The following GATAD2A variants were observed in gnomAD, a reference collection of about 807,000 sequenced individuals.
GATAD2A encodes the protein GATA zinc finger domain containing 2A, also known as transcriptional repressor p66-alpha.
GATAD2A carries 12 observed loss-of-function variants against 68.5 expected under a neutral mutation model. The ratio of observed to expected loss-of-function variants is 0.18; its 90% CI spans 0.11 to 0.28. GATAD2A has a LOEUF of 0.28. Ranked by LOEUF, GATAD2A falls within the 10% of genes least tolerant of loss-of-function variation. The pLI is 1.00. For synonymous variants in GATAD2A, 410 were observed against 375.3 expected, an observed-to-expected ratio of 1.09 and a Z score of -1.07; for missense variants, 755 against 868.5, an observed-to-expected ratio of 0.87 and a Z score of 1.64.
intron 9 of GATAD2A, 69 bp from the exon 10 acceptor site, chr19:19,501,900 C>G: frequency 1.6e-6 from 2 of 1,229,864 alleles, no homozygotes; most frequent in Non-Finnish European, 2.4e-6. Flanking sequence ...TCCTGTGGGG[C>G]TCACCCTCGG....
At chr19:19,426,406 C>T (rs1427615929) in intron 1 of GATAD2A, among the ~76,000 whole-genome samples, 1 of 152,206 alleles carries the variant, frequency 6.6e-6, no homozygotes, top group Non-Finnish European at 1.5e-5. Flanking sequence ...TACTGTTCTT[C>T]TGCAGCTAAG....
intron 1 of GATAD2A, among the ~76,000 whole-genome samples, chr19:19,391,889 C>T (rs2048866112): frequency 6.6e-6 from 1 of 152,076 alleles, no homozygotes; most frequent in African/African-American, 2.4e-5. Flanking sequence ...CATTAAATCC[C>T]TGTGGGATCT....
intron 1 of GATAD2A, among the ~76,000 whole-genome samples, chr19:19,439,676 C>T (rs1276349050): frequency 6.6e-6 from 1 of 151,986 alleles, no homozygotes; most frequent in East Asian, 1.9e-4. Flanking sequence ...GGTGAAACCC[C>T]ATCTTTACTA....
intron 1 of GATAD2A, among the ~76,000 whole-genome samples, chr19:19,438,449 G>A (rs1246828477): frequency 6.6e-6 from 1 of 152,216 alleles, no homozygotes; most frequent in Non-Finnish European, 1.5e-5. Flanking sequence ...CCCACAGCCA[G>A]CCCAGGGAAG....
chr19:19,389,754 G>A (rs1265740952), intron 1 of GATAD2A, among the ~76,000 whole-genome samples: 2 of 152,066 alleles, frequency 1.3e-5, no homozygotes, highest in African/African-American at 2.4e-5. Context: ...GTGCCTGCAC[G>A]TATTTACTAT....
chr19:19,496,206 T>C lies in GATAD2A; in HGVS notation c.911T>C (p.Val304Ala), dbSNP rs977875266. The C allele has an allele frequency of 5.6e-6, 9 of 1,613,690 alleles. No individual in the cohort carries two copies. The highest frequency in any genetic ancestry group is 7.6e-6 in the Non-Finnish European group (9 of 1,179,952). Residue 304 changes from valine to alanine, a missense_variant, in exon 7 of 12, where the codon GTC (valine) becomes GCC (alanine). Transcript: ENST00000683918. ...AATGTTCCCAACACCAGCCTGCTCGTCAACATCCCACAGGTGAGGGCTGCG... is the reference window on the plus strand; with the variant it reads ...AATGTTCCCAACACCAGCCTGCTCGCCAACATCCCACAGGTGAGGGCTGCG... ...VANVPNTSLL[V>A]NIPQPTPASL...
Position 19,416,880 on chromosome 19 carries a change from A to G in GATAD2A, c.-7+10861A>G, listed in dbSNP as rs537705128. On this transcript the variant is annotated intron_variant, in intron 1 of 11. Transcript: ENST00000683918. ...GGGTCCAAGCGATTCTCCTGCCTCA[A>G]CCTCCCAAGTAGCTGGGATTACAGG... 4.7e-5 allele frequency among the ~76,000 whole-genome samples: 7 copies of G among 147,636 alleles called. No homozygotes were observed. In the East Asian group the frequency reaches 6.0e-4, roughly 13 times the overall value.
rs976279167 is a variant in GATAD2A, at chr19:19,496,756, C to T, written c.924+537C>T. 9.2e-5 allele frequency among the ~76,000 whole-genome samples: 14 copies of T among 152,336 alleles called. 1 individual carries two copies. The South Asian group carries it at 2.9e-3, about 32-fold the overall frequency. On this transcript the variant is annotated intron_variant, in intron 7 of 11. Transcript: ENST00000683918. The stretch of plus-strand genomic sequence containing the variant: ...GATGGGGAGGGTCTGTCCCCACCCA[C>T]TGGAAGTAGGATGGGAAGAGCAGAA...
rs535760989 is a variant in GATAD2A at position 19,505,195 on chromosome 19, G to A, written c.1775-149G>A. The A allele has an allele frequency of 8.6e-4, 581 of 672,628 alleles. 1 individual carries two copies. The highest frequency in any genetic ancestry group is 1.2e-3 in the Non-Finnish European group (451 of 390,558). 41.7% of individuals were successfully genotyped at this position (672,628 alleles called of 1,614,324 possible). A position where few individuals can be genotyped will look rare whatever the true frequency, so the allele number is the denominator to read the frequency against. On this transcript the variant is annotated intron_variant, in intron 11 of 11. Transcript: ENST00000683918. ...TCTGGGGGGGCCTGGGATTTGAAAC[G>A]TTGATTGAGGAGTAGTGTGGGTGGG... is the stretch of plus-strand genomic sequence containing the variant.
intron 1 of GATAD2A, among the ~76,000 whole-genome samples, chr19:19,443,727 G>C (rs1366127761): frequency 6.6e-6 from 1 of 152,138 alleles, no homozygotes; most frequent in Non-Finnish European, 1.5e-5. Flanking sequence ...TTAAAGAAAA[G>C]TGTGAAAATT....
chr19:19,400,097 A>G (rs1259146365), intron 1 of GATAD2A, among the ~76,000 whole-genome samples: 1 of 152,074 alleles, frequency 6.6e-6, no homozygotes, highest in Non-Finnish European at 1.5e-5. Flanking sequence ...TTTTTAAACC[A>G]TATGTAGACA....
At chr19:19,475,482 G>GCCC (rs796725379) in intron 2 of GATAD2A, among the ~76,000 whole-genome samples, 124 of 130,492 alleles carry the variant, frequency 9.5e-4, no homozygotes, top group South Asian at 1.6e-3. Flanking sequence ...GCTCTCTGGA[G>GCCC]CCCCCCCCCC....
chr19:19,409,363 C>A (rs1485630722), intron 1 of GATAD2A, among the ~76,000 whole-genome samples: 1 of 152,180 alleles, frequency 6.6e-6, no homozygotes, highest in Non-Finnish European at 1.5e-5. Flanking sequence ...TCTCGAGCAG[C>A]TGTCCTGGGG....
At chr19:19,473,541 A>G (rs1471943195) in intron 2 of GATAD2A, among the ~76,000 whole-genome samples, 2 of 152,100 alleles carry the variant, frequency 1.3e-5, no homozygotes, top group African/African-American at 4.8e-5. Context: ...CGGTGGGGTG[A>G]CACATCTGTG....
At chr19:19,467,894 T>TC (rs2057999472) in intron 2 of GATAD2A, among the ~76,000 whole-genome samples, 1 of 152,226 alleles carries the variant, frequency 6.6e-6, no homozygotes, top group Non-Finnish European at 1.5e-5. Flanking sequence ...GCTTTCTGCC[T>TC]CCATCTTTTA....
chr19:19,403,920 CTGTTT>C (rs1465804290), upstream of GATAD2A, among the ~76,000 whole-genome samples: 5 of 152,148 alleles, frequency 3.3e-5, no homozygotes, highest in Non-Finnish European at 7.3e-5. Context: ...GAGAATAAGA[CTGTTT>C]TGTTTGTTTG....
intron 10 of GATAD2A, 127 bp from the exon 11 acceptor site, chr19:19,502,204 T>C (rs1402524499): frequency 1.1e-6 from 1 of 903,268 alleles, no homozygotes; most frequent in African/African-American, 1.7e-5. Context: ...GGTCTCCTGA[T>C]TTTGGACTTT....
At chr19:19,481,604 G>A (rs1012629422) in intron 2 of GATAD2A, among the ~76,000 whole-genome samples, 3 of 152,128 alleles carry the variant, frequency 2.0e-5, no homozygotes, top group Non-Finnish European at 4.4e-5. Flanking sequence ...GGGATTGCAG[G>A]CATGAACCAT....
chr19:19,430,976 GGTGTGTGTGT>G (rs71170687), intron 1 of GATAD2A, among the ~76,000 whole-genome samples: 100 of 136,770 alleles, frequency 7.3e-4, no homozygotes, highest in East Asian at 3.2e-3. Flanking sequence ...GTATGGTAGG[GGTGTGTGTGT>G]GTGTGTGTGT....
Sources: allele counts gnomAD v4.1 joint callset (sites outside exome capture counted in the v4.1 genomes callset), GRCh38; gene constraint gnomAD v4.1.1; transcripts MANE v1.5; gene names NCBI Gene and HGNC (gene_info 2026-07-23, HGNC 2026-07-21).